PDE7A: variants seen among roughly 807,000 people sequenced by gnomAD.
PDE7A encodes phosphodiesterase 7A.
In PDE7A, 39 loss-of-function variants were observed where a neutral mutation model predicts 64.3. The observed-to-expected ratio is 0.61, with a 90% confidence interval of 0.47 to 0.79. The LOEUF (loss-of-function observed/expected upper bound fraction) is 0.79. Among genes scored for constraint, PDE7A ranks in the 30% least tolerant of loss-of-function variants. The pLI, the probability that PDE7A is intolerant of heterozygous loss-of-function variation, is 0.00. For missense variants in PDE7A, 470 were observed against 582.8 expected, an observed-to-expected ratio of 0.81 and a Z score of 1.99; for synonymous variants, 203 against 206.8, an observed-to-expected ratio of 0.98 and a Z score of 0.16.
At chr8:65,822,705 A>G (rs183262729) in intron 1 of PDE7A, among the ~76,000 whole-genome samples, 119 of 152,324 alleles carry the variant, frequency 7.8e-4, no homozygotes, top group African/African-American at 2.7e-3. Flanking sequence ...CAGTAGAGAA[A>G]AAGCTGAGGG....
intron 3 of PDE7A, among the ~76,000 whole-genome samples, chr8:65,767,018 AC>A (rs1476276913): frequency 6.6e-6 from 1 of 152,120 alleles, no homozygotes. Context: ...AACAACAACA[AC>A]AACAACAACA....
At chr8:65,724,968 CTATT>C (rs755610871) in intron 9 of PDE7A, 47 bp from the exon 10 acceptor site, 13 of 1,277,252 alleles carry the variant, frequency 1.0e-5, no homozygotes, top group South Asian at 4.6e-5. Flanking sequence ...TTTCAATTAA[CTATT>C]TATTGATTTT....
At chr8:65,797,680 C>A (rs1156983760) in intron 1 of PDE7A, among the ~76,000 whole-genome samples, 1 of 152,122 alleles carries the variant, frequency 6.6e-6, no homozygotes, top group Non-Finnish European at 1.5e-5. Context: ...TCAATGCAGT[C>A]TCAAAATCCC....
intron 1 of PDE7A, chr8:65,789,162 C>T (rs1162321696): frequency 2.3e-6 from 2 of 858,026 alleles, no homozygotes; most frequent in Non-Finnish European, 3.2e-6. Context: ...ATGCCACAAC[C>T]GCAGGGTTGG....
chr8:65,769,417 G>C (rs1808965643), intron 3 of PDE7A, among the ~76,000 whole-genome samples: 1 of 152,140 alleles, frequency 6.6e-6, no homozygotes. Flanking sequence ...CTAACCCTGA[G>C]AGCATATTTG....
At chr8:65,761,898 C>T (rs1808514442) in intron 3 of PDE7A, among the ~76,000 whole-genome samples, 1 of 152,200 alleles carries the variant, frequency 6.6e-6, no homozygotes, top group Non-Finnish European at 1.5e-5. Flanking sequence ...TACTCTAACT[C>T]TTCCACAGAT....
At chr8:65,819,080 A>G (rs1460232411) in intron 1 of PDE7A, among the ~76,000 whole-genome samples, 1 of 152,190 alleles carries the variant, frequency 6.6e-6, no homozygotes, top group Non-Finnish European at 1.5e-5. Flanking sequence ...CAACCTCCAG[A>G]GCACTGAAAT....
At chr8:65,720,888 A>G (rs1413703994) in intron 12 of PDE7A, among the ~76,000 whole-genome samples, 2 of 152,216 alleles carry the variant, frequency 1.3e-5, no homozygotes, top group Non-Finnish European at 2.9e-5. Flanking sequence ...CCATAAAGTC[A>G]TAAGCCACTG....
chr8:65,824,253 T>C lies in PDE7A; in HGVS notation c.138+17118A>G, dbSNP rs570436587. Among the ~76,000 whole-genome samples, 167 of 152,334 alleles carry C rather than the reference T, an allele frequency of 1.1e-3. 6 individuals are homozygous for C. In the South Asian group the frequency reaches 0.034, roughly 31 times the overall value. Reference sequence around the variant, plus strand: ...GTGATAGTGATCTTTAATGATACTATTGTAATTGTCTGGGGCGCCATGAAA... The same window carrying C: ...GTGATAGTGATCTTTAATGATACTACTGTAATTGTCTGGGGCGCCATGAAA... On this transcript the variant is annotated intron_variant, in intron 1 of 12. Transcript: ENST00000401827.
intron 3 of PDE7A, among the ~76,000 whole-genome samples, chr8:65,774,077 G>A (rs1809188054): frequency 1.3e-5 from 2 of 152,014 alleles, no homozygotes; most frequent in Non-Finnish European, 2.9e-5. Flanking sequence ...AATTCAAAAG[G>A]TCTACAACTA....
In PDE7A at chr8:65,841,948, G is replaced by A; in HGVS notation, c.-440C>T. 8.2e-6 allele frequency: 2 copies of A among 243,288 alleles called. No individual in the cohort carries two copies. The highest frequency in any genetic ancestry group is 1.5e-5 in the Non-Finnish European group (2 of 130,272). 15.1% of individuals were successfully genotyped at this position (243,288 alleles called of 1,614,324 possible). ...GACCCAGGGCGCGCGGGACTCAGGA[G>A]CAGCGACCAGCTCGGGCCGCCGCCG... is the stretch of plus-strand genomic sequence containing the variant. On this transcript the variant is annotated 5_prime_UTR_variant, in exon 1 of 13. Coordinates refer to ENST00000401827, the MANE Select transcript of PDE7A (RefSeq NM_001242318.3).
At chr8:65,734,762 A>AT (rs138599850) in intron 7 of PDE7A, 32 bp downstream of exon 7, 62,296 of 1,231,528 alleles carry the variant, frequency 0.051, 1,959 homozygotes, top group Non-Finnish European at 0.06. Context: ...TTTTCTTATG[A>AT]TTTTCACCTG....
chr8:65,753,905 A>AGG (rs1250993517), intron 3 of PDE7A, among the ~76,000 whole-genome samples: 3 of 152,088 alleles, frequency 2.0e-5, no homozygotes. Context: ...CAAAACTTAA[A>AGG]GTGTATACTG....
chr8:65,743,398 T>A (rs924904961), intron 5 of PDE7A, among the ~76,000 whole-genome samples: 1 of 151,908 alleles, frequency 6.6e-6, no homozygotes, highest in African/African-American at 2.4e-5. Context: ...GAACACTTAA[T>A]CACCAAGGGC....
chr8:65,760,152 A>G (rs1231153240), intron 3 of PDE7A, among the ~76,000 whole-genome samples: 1 of 152,144 alleles, frequency 6.6e-6, no homozygotes, highest in African/African-American at 2.4e-5. Context: ...AAACAGGAGA[A>G]TCATTTGAAC....
At chr8:65,747,511 A>G (rs1180454270) in intron 4 of PDE7A, 141 bp downstream of exon 4, 3 of 489,410 alleles carry the variant, frequency 6.1e-6, no homozygotes, top group African/African-American at 2.0e-5. Context: ...CAGCTGCTCT[A>G]AAGAAAAAAA....
intron 1 of PDE7A, among the ~76,000 whole-genome samples, chr8:65,830,505 C>G (rs907325907): frequency 6.6e-6 from 1 of 151,996 alleles, no homozygotes; most frequent in Non-Finnish European, 1.5e-5. Context: ...AAAAAAGGAA[C>G]AGAATCAAGC....
chr8:65,798,195 TATA>T (rs1809892830), intron 1 of PDE7A, among the ~76,000 whole-genome samples: 1 of 25,496 alleles, frequency 3.9e-5, no homozygotes, highest in African/African-American at 2.1e-4. Flanking sequence ...TATATATATA[TATA>T]TATATATATT....
intron 1 of PDE7A, among the ~76,000 whole-genome samples, chr8:65,788,461 T>A (rs1809618143): frequency 6.6e-6 from 1 of 152,222 alleles, no homozygotes; most frequent in African/African-American, 2.4e-5. Flanking sequence ...GTTTTTCGTT[T>A]TTAAAAAGTT....
Sources: allele counts gnomAD v4.1 joint callset (sites outside exome capture counted in the v4.1 genomes callset), GRCh38; gene constraint gnomAD v4.1.1; transcripts MANE v1.5; gene names NCBI Gene and HGNC (gene_info 2026-07-23, HGNC 2026-07-21).